Variants in TTC7B observed in about 807,000 individuals in gnomAD.
TTC7B encodes the protein tetratricopeptide repeat protein 7B.
Under a neutral mutation model 106.8 loss-of-function variants are expected in TTC7B, and 28 were observed. The ratio of observed to expected loss-of-function variants is 0.26; its 90% CI spans 0.19 to 0.36. The LOEUF (loss-of-function observed/expected upper bound fraction) is 0.36, where lower values mean the gene tolerates loss of function less well. Ranked by LOEUF, TTC7B falls within the 10% of genes least tolerant of loss-of-function variation. The pLI is 1.00. For missense variants in TTC7B, 862 were observed against 1,076.4 expected (o/e 0.80, Z 2.79); for synonymous variants, 405 against 430.6 (o/e 0.94, Z 0.74).
intron 1 of TTC7B, among the ~76,000 whole-genome samples, chr14:90,803,517 C>T (rs1046730130): frequency 1.2e-4 from 18 of 152,178 alleles, no homozygotes; most frequent in Non-Finnish European, 2.4e-4. Context: ...TGGTTCCTCC[C>T]GACTCCCATA....
rs71461920 is a variant in TTC7B, at chr14:90,710,056, GA to G, written c.699-14479del. ...ATATTTTGGATAAACTTTTCTACTT[GA>G]AAAAAAAAAAAAAAGAAAACCTCTG... On this transcript the variant is annotated intron_variant, in intron 5 of 19. Coordinates refer to ENST00000328459, the MANE Select transcript of TTC7B (RefSeq NM_001010854.2). 7.6e-3 allele frequency among the ~76,000 whole-genome samples: 904 copies of G among 119,320 alleles called. 6 individuals carry two copies. The highest frequency in any genetic ancestry group is 0.026 in the East Asian group (102 of 3,860). The allele number at this position is 119,320 out of a possible 152,430, so 78.3% of individuals were successfully genotyped here. A position where few individuals can be genotyped will look rare whatever the true frequency, so the allele number is the denominator to read the frequency against.
chr14:90,800,831 G>A (rs2030217977), intron 1 of TTC7B, among the ~76,000 whole-genome samples: 1 of 151,680 alleles, frequency 6.6e-6, no homozygotes, highest in South Asian at 2.1e-4. Flanking sequence ...CAGAGTCCAA[G>A]GAGATGTTAG....
chr14:90,660,412 A>AGAAAG (rs1465593575), intron 9 of TTC7B, among the ~76,000 whole-genome samples: 1 of 134,596 alleles, frequency 7.4e-6, no homozygotes, highest in Admixed American at 7.1e-5. Context: ...AAAAAAAAAA[A>AGAAAG]AAAAAAAAAG....
rs1480839191 is a variant in TTC7B at position 90,593,474 on chromosome 14, G to A, written c.2107+12C>T. 6.3e-7 allele frequency: 1 copy of A among 1,576,088 alleles called. No individual in the cohort carries two copies. Among genetic ancestry groups the A allele is most frequent in the Non-Finnish European group, 8.6e-7 (1 of 1,157,996 alleles). ...TGGCACAGCAGCGGGTTGTGGGTGAGGCGGAGGGTACCTGCATGGAGCCAG... is the reference window on the plus strand; with the variant it reads ...TGGCACAGCAGCGGGTTGTGGGTGAAGCGGAGGGTACCTGCATGGAGCCAG... On this transcript the variant is annotated intron_variant, in intron 18 of 19. Coordinates refer to ENST00000328459, the MANE Select transcript of TTC7B (RefSeq NM_001010854.2).
chr14:90,748,398 G>A (rs536342098), intron 3 of TTC7B, among the ~76,000 whole-genome samples: 1 of 152,074 alleles, frequency 6.6e-6, no homozygotes, highest in Non-Finnish European at 1.5e-5. Flanking sequence ...GCGCGATCTT[G>A]GCTCACTGCA....
chr14:90,732,358 G>A (rs190921668), intron 4 of TTC7B, among the ~76,000 whole-genome samples: 5 of 152,144 alleles, frequency 3.3e-5, no homozygotes, highest in Admixed American at 2.6e-4. Context: ...GAGTCTCCAC[G>A]TCCTCTCTTG....
intron 5 of TTC7B, among the ~76,000 whole-genome samples, chr14:90,711,964 T>C (rs1298369089): frequency 6.6e-6 from 1 of 152,078 alleles, no homozygotes; most frequent in East Asian, 1.9e-4. Flanking sequence ...AGGTTTATAC[T>C]AGATTAAAAA....
chr14:90,756,383 T>TTG (rs1555396509), intron 3 of TTC7B, among the ~76,000 whole-genome samples: 4 of 28,080 alleles, frequency 1.4e-4, no homozygotes, highest in Admixed American at 7.9e-4. Flanking sequence ...TTTTTTTTTT[T>TTG]GTTTTTTTTT....
intron 19 of TTC7B, among the ~76,000 whole-genome samples, chr14:90,549,497 T>C (rs183313336): frequency 6.6e-6 from 1 of 152,360 alleles, no homozygotes; most frequent in East Asian, 1.9e-4. Context: ...TGGCCAGAGC[T>C]GCAGTTGTGC....
intron 1 of TTC7B, among the ~76,000 whole-genome samples, chr14:90,788,968 A>C (rs1891486113): frequency 6.6e-6 from 1 of 152,152 alleles, no homozygotes; most frequent in African/African-American, 2.4e-5. Flanking sequence ...TCTCAAAAAA[A>C]AAAAAATTCC....
chr14:90,640,639 A>G (rs1397766537), intron 15 of TTC7B, among the ~76,000 whole-genome samples: 5 of 152,250 alleles, frequency 3.3e-5, no homozygotes, highest in Admixed American at 3.3e-4. Flanking sequence ...ACAATTCTAA[A>G]GGATTCTAAA....
chr14:90,577,373 C>A lies in TTC7B; in HGVS notation c.2310+733G>T, dbSNP rs755825446. Among the ~76,000 whole-genome samples the A allele has an allele frequency of 1.3e-5, 2 of 152,212 alleles. No individual in the cohort carries two copies. The highest frequency in any genetic ancestry group is 4.8e-5 in the African/African-American group (2 of 41,446). ...TCATAACGGACAGAACCCTCCTGAG[C>A]GAGCAGTGTCCCCACCTAACTGAAA... On this transcript the variant is annotated intron_variant, in intron 19 of 19. Coordinates refer to ENST00000328459, the MANE Select transcript of TTC7B (RefSeq NM_001010854.2). This position sits in a 1 kb window ranked among gnomAD's most constrained non-coding sequence, Gnocchi z 5.0.
chr14:90,763,589 G>T (rs1890574997), intron 3 of TTC7B, among the ~76,000 whole-genome samples: 1 of 152,100 alleles, frequency 6.6e-6, no homozygotes, highest in Admixed American at 6.5e-5. Context: ...CAAATGCCAT[G>T]ATCTTACATA....
intron 8 of TTC7B, among the ~76,000 whole-genome samples, chr14:90,679,463 A>C (rs1313874247): frequency 3.3e-5 from 5 of 152,202 alleles, no homozygotes; most frequent in Admixed American, 2.6e-4. Flanking sequence ...CTCTTGCTTT[A>C]GTTATGATTC....
chr14:90,714,247 A>T (rs1888561496), intron 5 of TTC7B, among the ~76,000 whole-genome samples: 2 of 152,168 alleles, frequency 1.3e-5, no homozygotes, highest in Non-Finnish European at 2.9e-5. Context: ...AGAAAAAAAA[A>T]GTGAGACACA....
chr14:90,714,410 G>A (rs1162201959), intron 5 of TTC7B, among the ~76,000 whole-genome samples: 3 of 152,006 alleles, frequency 2.0e-5, no homozygotes, highest in Admixed American at 6.5e-5. Flanking sequence ...CGAGCTAAAG[G>A]GAATGTTCTG....
intron 17 of TTC7B, among the ~76,000 whole-genome samples, chr14:90,606,659 G>A (rs1268327081): frequency 2.0e-5 from 3 of 152,204 alleles, no homozygotes; most frequent in Non-Finnish European, 2.9e-5. Flanking sequence ...AGAGGTGGGA[G>A]GAAGGGACGC....
intron 19 of TTC7B, among the ~76,000 whole-genome samples, chr14:90,542,035 G>A (rs936968401): frequency 6.6e-6 from 1 of 152,176 alleles, no homozygotes; most frequent in Non-Finnish European, 1.5e-5. Context: ...CGCCTCCCGG[G>A]TTCATGCCAT....
At chr14:90,709,955 T>TAAA (rs71461918) in intron 5 of TTC7B, among the ~76,000 whole-genome samples, 18 of 105,928 alleles carry the variant, frequency 1.7e-4, no homozygotes, top group Non-Finnish European at 2.2e-4. Flanking sequence ...TCTCTTTCGT[T>TAAA]AAAAAAAAAA....
Sources: allele counts gnomAD v4.1 joint callset (sites outside exome capture counted in the v4.1 genomes callset), GRCh38; gene constraint gnomAD v4.1.1; non-coding constraint Gnocchi (gnomAD v3.1); transcripts MANE v1.5; gene names NCBI Gene and HGNC (gene_info 2026-07-23, HGNC 2026-07-21).